The following NHERF2 variants were observed in gnomAD, a reference collection of about 807,000 sequenced individuals.
NHERF2 encodes the protein Na(+)/H(+) exchange regulatory cofactor NHE-RF2.
the NHERF2 span, chr16:2,036,683 G>T: frequency 1.2e-4 from 193 of 1,600,410 alleles, no homozygotes; most frequent in Non-Finnish European, 1.5e-4. Flanking sequence ...GGCGTTGGGG[G>T]CTGTCTGGGC....
the NHERF2 span, chr16:2,032,754 G>A: frequency 1.1e-6 from 1 of 946,032 alleles, no homozygotes; most frequent in Non-Finnish European, 1.3e-6. The surrounding 1 kb of genome is among the most constrained non-coding windows in gnomAD (Gnocchi z 4.0). Context: ...CGCAGCTGCA[G>A]TGCAGCTGAT....
At chr16:2,038,685 GC>G in the NHERF2 span, 1 of 244,204 alleles carries the variant, frequency 4.1e-6, no homozygotes, top group Non-Finnish European at 7.9e-6. Flanking sequence ...TCCCCACCCA[GC>G]TACCCTGTGC....
the NHERF2 span, chr16:2,038,037 G>C: frequency 6.3e-7 from 1 of 1,594,370 alleles, no homozygotes; most frequent in Non-Finnish European, 8.6e-7. Flanking sequence ...CGGACCTTGG[G>C]CCTCAGCCTG....
the NHERF2 span, chr16:2,035,289 T>G: frequency 3.4e-6 from 2 of 581,408 alleles, no homozygotes; most frequent in Non-Finnish European, 4.3e-6. Context: ...CATTGGGGTT[T>G]GGAGCGAGCT....
the NHERF2 span, chr16:2,038,489 C>T: frequency 2.6e-6 from 1 of 378,570 alleles, no homozygotes; most frequent in Non-Finnish European, 5.0e-6. Context: ...CAAACCATTT[C>T]CTCCCCGCCC....
the NHERF2 span, chr16:2,027,306 G>A: frequency 2.0e-5 from 15 of 741,758 alleles, no homozygotes; most frequent in South Asian, 6.3e-4. Context: ...GGGCCCGAGG[G>A]GGCTCCCGCG....
At chr16:2,032,844 C>T in the NHERF2 span, 1 of 1,005,322 alleles carries the variant, frequency 9.9e-7, no homozygotes, top group Non-Finnish European at 1.2e-6. The surrounding 1 kb of genome is among the most constrained non-coding windows in gnomAD (Gnocchi z 4.0). Flanking sequence ...TGGTGGCAGA[C>T]CCTGAGCCCT....
At chr16:2,029,391 T>G in the NHERF2 span, 1 of 578,822 alleles carries the variant, frequency 1.7e-6, no homozygotes, top group Non-Finnish European at 3.0e-6. Context: ...GTCCGGAGCC[T>G]GAGTGCAGAG....
chr16:2,037,865 G>C, the NHERF2 span: 2 of 1,602,732 alleles, frequency 1.2e-6, no homozygotes, highest in East Asian at 2.3e-5. Flanking sequence ...CCAGGAGAGC[G>C]GCCTCCACCT....
At chr16:2,035,857 A>G in the NHERF2 span, 30 of 222,630 alleles carry the variant, frequency 1.3e-4, no homozygotes, top group South Asian at 1.3e-3. Context: ...CAGAGCCGCC[A>G]CCGCAGCCAG....
chr16:2,038,427 C>G, the NHERF2 span: 2 of 255,564 alleles, frequency 7.8e-6, no homozygotes, highest in Non-Finnish European at 1.5e-5. Flanking sequence ...CCCCCTTCCC[C>G]TCCCCCTTGG....
the NHERF2 span, chr16:2,029,761 C>T: frequency 1.9e-6 from 3 of 1,553,376 alleles, no homozygotes; most frequent in Middle Eastern, 1.7e-4. Flanking sequence ...CCGGCAGCCA[C>T]AGCTCCGAAG....
the NHERF2 span, chr16:2,035,369 C>A: frequency 2.1e-6 from 2 of 949,378 alleles, no homozygotes; most frequent in Non-Finnish European, 2.4e-6. Flanking sequence ...GGTCTGAGCG[C>A]CCCCTTGCCA....
At chr16:2,030,483 C>T in the NHERF2 span, among the ~76,000 whole-genome samples, 1 of 152,194 alleles carries the variant, frequency 6.6e-6, no homozygotes, top group Non-Finnish European at 1.5e-5. Context: ...CAGGGGCGGC[C>T]TGCTCCACCT....
At chr16:2,036,915 G>C in the NHERF2 span, 2 of 1,586,982 alleles carry the variant, frequency 1.3e-6, no homozygotes, top group Non-Finnish European at 1.7e-6. Flanking sequence ...GGTGGGTGCG[G>C]TGTGGTGGCT....
chr16:2,036,700 CG>C, the NHERF2 span: 1 of 1,606,618 alleles, frequency 6.2e-7, no homozygotes. Context: ...GGGCCCATGG[CG>C]GGGCTGATAC....
At chr16:2,039,016 C>G in the NHERF2 span, 1 of 152,408 alleles carries the variant, frequency 6.6e-6, no homozygotes, top group Admixed American at 6.5e-5. Context: ...ATAAACAGGC[C>G]CTGCCTGGGA....
chr16:2,036,512 C>T, the NHERF2 span: 2 of 1,575,486 alleles, frequency 1.3e-6, no homozygotes, highest in Admixed American at 3.6e-5. Flanking sequence ...AGGTACCGGC[C>T]CACCAGGGCT....
chr16:2,030,801 C>T, the NHERF2 span, among the ~76,000 whole-genome samples: 1 of 151,916 alleles, frequency 6.6e-6, no homozygotes, highest in Non-Finnish European at 1.5e-5. Flanking sequence ...ATCAGTTGGG[C>T]ATGGTGGGGC....
Sources: gnomAD v4.1 joint callset for allele counts (sites outside exome capture counted in the v4.1 genomes callset) on GRCh38, gnomAD v4.1.1 for gene constraint, Gnocchi (gnomAD v3.1) non-coding constraint, MANE v1.5 for transcripts, NCBI Gene and HGNC (gene_info 2026-07-23, HGNC 2026-07-21) for gene names.